The following LRRK1 variants were observed in gnomAD, a reference collection of about 807,000 sequenced individuals.
The protein encoded by LRRK1 is leucine rich repeat kinase 1.
A neutral mutation model predicts 209.1 loss-of-function variants in LRRK1; 113 were observed. That is an observed-to-expected ratio of 0.54 (90% CI 0.46 to 0.63). The LOEUF is 0.63. Among genes scored for constraint, LRRK1 ranks in the 30% least tolerant of loss-of-function variants. The pLI, the probability that LRRK1 is intolerant of heterozygous loss-of-function variation, is 0.00. For synonymous variants in LRRK1, 1,144 were observed against 1,099.7 expected (o/e 1.04, Z -0.80); for missense variants, 2,284 against 2,632.2 (o/e 0.87, Z 2.89).
At chr15:100,930,854 A>G (rs1276457246) in intron 2 of LRRK1, among the ~76,000 whole-genome samples, 1 of 152,224 alleles carries the variant, frequency 6.6e-6, no homozygotes, top group East Asian at 1.9e-4. Context: ...TTCTCTGGGA[A>G]TGGAGCCCTC....
intron 1 of LRRK1, among the ~76,000 whole-genome samples, chr15:100,923,189 G>A (rs1365362568): frequency 6.6e-6 from 1 of 152,140 alleles, no homozygotes; most frequent in African/African-American, 2.4e-5. Flanking sequence ...CTTCACTTTG[G>A]TTGAATTCAC....
intron 26 of LRRK1, 30 bp downstream of exon 26, chr15:101,053,450 C>G: frequency 6.5e-7 from 1 of 1,535,696 alleles, no homozygotes; most frequent in Non-Finnish European, 8.8e-7. Context: ...CACCCGGCCC[C>G]GGAGACCGAC....
chr15:100,922,303 G>A (rs192181731), intron 1 of LRRK1, among the ~76,000 whole-genome samples: 58 of 152,246 alleles, frequency 3.8e-4, no homozygotes, highest in South Asian at 8.3e-4. Context: ...TAGAATATAA[G>A]CCAAAATAGT....
In LRRK1 at chr15:101,022,116, G is replaced by A. The variant is rs929085101; in HGVS notation, c.1852+159G>A. ...CTATAAAATTGTCCCTAAAGCAATCGTTACTGAGGGTCACTATACTGAGAA... is the reference window on the plus strand; with the variant it reads ...CTATAAAATTGTCCCTAAAGCAATCATTACTGAGGGTCACTATACTGAGAA... On this transcript the variant is annotated intron_variant, in intron 14 of 33. Transcript: ENST00000388948. This position sits in a 1 kb window ranked among gnomAD's most constrained non-coding sequence, Gnocchi z 4.0. Among the ~76,000 whole-genome samples the A allele has an allele frequency of 1.2e-4, 19 of 152,242 alleles. No homozygotes were observed. Among genetic ancestry groups the A allele is most frequent in the South Asian group, 1.2e-3 (6 of 4,816 alleles).
chr15:101,041,761 C>T (rs1004208885), intron 20 of LRRK1, among the ~76,000 whole-genome samples: 1 of 152,170 alleles, frequency 6.6e-6, no homozygotes, highest in African/African-American at 2.4e-5. Flanking sequence ...CCTAAAACTG[C>T]GATAGTATTG....
Position 101,021,884 on chromosome 15 carries a change from G to T in LRRK1, c.1779G>T (p.Gln593His). The T allele has an allele frequency of 6.2e-7, 1 of 1,614,092 alleles. No individual in the cohort carries two copies. The highest frequency in any genetic ancestry group is 8.5e-7 in the Non-Finnish European group (1 of 1,180,026). The change falls in exon 14 of 34, where the codon CAG (glutamine) becomes CAT (histidine). Residue 593 changes from glutamine (Q) to histidine (H), a missense_variant. Transcript: ENST00000388948. ...GLRELPPELG[Q>H]LGNLWQLDTE... Reference sequence around the variant, plus strand: ...GGGAGCTCCCTCCTGAGCTGGGGCAGCTGGGCAACCTCTGGCAGCTGGACA... The same window carrying T: ...GGGAGCTCCCTCCTGAGCTGGGGCATCTGGGCAACCTCTGGCAGCTGGACA...
At position 101,070,918 on chromosome 15, in the gene LRRK1, G is replaced by A. The variant is rs1266090632; in HGVS notation, c.*2070G>A. 1 of 152,030 alleles carries A rather than the reference G, an allele frequency of 6.6e-6. No individual in the cohort carries two copies. The highest frequency in any genetic ancestry group is 2.4e-5 in the African/African-American group (1 of 41,376). The allele number at this position is 152,030 out of a possible 1,614,324, so 9.4% of individuals were successfully genotyped here. A position where few individuals can be genotyped will look rare whatever the true frequency, so the allele number is the denominator to read the frequency against. ...GAAAAAAAAACATTGCAACACAAAT[G>A]AGAGACAAAGACCTCACTTATCTTC... On this transcript the variant is annotated 3_prime_UTR_variant, in exon 34 of 34. Transcript: ENST00000388948.
intron 20 of LRRK1, among the ~76,000 whole-genome samples, chr15:101,031,196 G>A (rs1467179667): frequency 1.3e-5 from 2 of 152,194 alleles, no homozygotes. Context: ...GCATACAACT[G>A]TGCAAGCAGC....
At chr15:100,926,680 C>CTTTTTTTTTT (rs71151990) in intron 2 of LRRK1, among the ~76,000 whole-genome samples, 19 of 81,828 alleles carry the variant, frequency 2.3e-4, no homozygotes, top group Admixed American at 3.2e-4. Flanking sequence ...TTCTTTTTTT[C>CTTTTTTTTTT]TTTTTTTTTT....
chr15:101,022,418 C>T lies in LRRK1; in HGVS notation c.1888C>T (p.Leu630=), dbSNP rs1218422591. 1.2e-6 allele frequency: 2 copies of T among 1,614,134 alleles called. No homozygotes were observed. The highest frequency in any genetic ancestry group is 1.3e-5 in the African/African-American group (1 of 74,940). The part of the protein sequence containing the change: ...KAMLSYLRAQ[L]RKAEKCKLMK... ...AATGCTGTCTTACCTGCGTGCTCAGCTGCGGAAAGCGGAAAAGTGCAAGCT... is the reference window on the plus strand; with the variant it reads ...AATGCTGTCTTACCTGCGTGCTCAGTTGCGGAAAGCGGAAAAGTGCAAGCT... Residue 630 remains leucine, a synonymous_variant, in exon 15 of 34, where the codon CTG becomes TTG. Coordinates refer to ENST00000388948, the MANE Select transcript of LRRK1 (RefSeq NM_024652.6). The surrounding 1 kb of genome is among the most constrained non-coding windows in gnomAD (Gnocchi z 4.0).
intron 23 of LRRK1, among the ~76,000 whole-genome samples, chr15:101,051,419 A>AT (rs1393617044): frequency 8.6e-5 from 13 of 151,954 alleles, no homozygotes; most frequent in African/African-American, 3.1e-4. Flanking sequence ...TGCAGGAGGG[A>AT]TCCCCCCACT....
rs755804910 is a variant in LRRK1, at chr15:101,024,807, A to G, written c.2072A>G (p.Glu691Gly). The G allele has an allele frequency of 6.2e-7, 1 of 1,613,572 alleles. No homozygotes were observed. The highest frequency in any genetic ancestry group is 8.5e-7 in the Non-Finnish European group (1 of 1,179,566). Reference sequence around the variant, plus strand: ...GCTGCCTTGTTGCTCAAGTAGGTTGAGTCCGTGGAGTTCAACGTCTGGGAC... The same window carrying G: ...GCTGCCTTGTTGCTCAAGTAGGTTGGGTCCGTGGAGTTCAACGTCTGGGAC... ...QRPAGSRAKV[E>G]SVEFNVWDIG... The change falls in exon 16 of 34, where the codon GAG (glutamate) becomes GGG (glycine). Residue 691 changes from glutamate to glycine, a missense_variant. This residue lies in a region of LRRK1 where 780 missense variants were observed against 985.2 expected (regional missense o/e 0.79). Coordinates refer to ENST00000388948, the MANE Select transcript of LRRK1 (RefSeq NM_024652.6). This position sits in a 1 kb window ranked among gnomAD's most constrained non-coding sequence, Gnocchi z 4.6.
At chr15:100,942,986 T>C (rs1389155513) in intron 2 of LRRK1, among the ~76,000 whole-genome samples, 1 of 152,130 alleles carries the variant, frequency 6.6e-6, no homozygotes, top group African/African-American at 2.4e-5. Context: ...TTTCAACAAG[T>C]TTGGAAGGTG....
chr15:101,036,111 G>A (rs2034484541), intron 20 of LRRK1, among the ~76,000 whole-genome samples: 1 of 152,178 alleles, frequency 6.6e-6, no homozygotes, highest in South Asian at 2.1e-4. Flanking sequence ...AGAGCCTCCT[G>A]TATCTGGATG....
rs892614928 is a variant in LRRK1 at position 101,074,245 on chromosome 15, A to G, written c.*5397A>G. 5.9e-5 allele frequency: 9 copies of G among 151,936 alleles called. No individual in the cohort carries two copies. In the South Asian group the frequency reaches 1.9e-3, roughly 32 times the overall value. The allele number at this position is 151,936 out of a possible 1,614,324, so 9.4% of individuals were successfully genotyped here. ...CCTTGCCAGGCCGAGCTAGGTCCCAATTCTTCCTCAGCCTCCGCTCCTCCA... is the reference window on the plus strand; with the variant it reads ...CCTTGCCAGGCCGAGCTAGGTCCCAGTTCTTCCTCAGCCTCCGCTCCTCCA... On this transcript the variant is annotated 3_prime_UTR_variant, in exon 34 of 34. Coordinates refer to ENST00000388948, the MANE Select transcript of LRRK1 (RefSeq NM_024652.6).
intron 2 of LRRK1, among the ~76,000 whole-genome samples, chr15:100,962,998 T>A (rs1474874522): frequency 1.3e-5 from 2 of 149,306 alleles, no homozygotes; most frequent in Admixed American, 6.7e-5. Flanking sequence ...TAATTTTGTA[T>A]TTTTAGTAGA....
chr15:101,063,503 G>C (rs978642840), intron 31 of LRRK1, among the ~76,000 whole-genome samples: 1 of 152,186 alleles, frequency 6.6e-6, no homozygotes, highest in African/African-American at 2.4e-5. Flanking sequence ...GGCTTTTCCG[G>C]GCTCCTCCGC....
intron 2 of LRRK1, among the ~76,000 whole-genome samples, chr15:100,948,940 A>G (rs951120202): frequency 1.1e-4 from 16 of 152,210 alleles, no homozygotes; most frequent in Admixed American, 7.2e-4. Flanking sequence ...TCTCAAATCA[A>G]TAACCTAAAC....
chr15:100,995,314 C>T (rs570329628), intron 6 of LRRK1, among the ~76,000 whole-genome samples: 36 of 152,314 alleles, frequency 2.4e-4, no homozygotes, highest in Non-Finnish European at 4.1e-4. Context: ...AAGCATAGCC[C>T]GAATCCACCT....
Sources: gnomAD v4.1 joint callset for allele counts (sites outside exome capture counted in the v4.1 genomes callset) on GRCh38, gnomAD v4.1.1 for gene constraint, gnomAD v4.1.1 regional missense constraint, Gnocchi (gnomAD v3.1) non-coding constraint, MANE v1.5 for transcripts, NCBI Gene and HGNC (gene_info 2026-07-23, HGNC 2026-07-21) for gene names.